Variants in ADARB2 observed in about 807,000 individuals in gnomAD.
The protein encoded by ADARB2 is inactive double-stranded RNA-specific editase B2.
Under a neutral mutation model 62.2 loss-of-function variants are expected in ADARB2, and 25 were observed. The ratio of observed to expected loss-of-function variants is 0.40; its 90% CI spans 0.29 to 0.56. ADARB2 has a LOEUF of 0.56. Ranked by LOEUF, ADARB2 falls within the 20% of genes least tolerant of loss-of-function variation. The pLI is 0.43. For missense variants in ADARB2, 1,071 were observed against 1,077.4 expected, an observed-to-expected ratio of 0.99 and a Z score of 0.08; for synonymous variants, 572 against 500.8, an observed-to-expected ratio of 1.14 and a Z score of -1.90.
chr10:1,350,733 T>C (rs1210797599), intron 3 of ADARB2, among the ~76,000 whole-genome samples: 1 of 152,164 alleles, frequency 6.6e-6, no homozygotes, highest in Non-Finnish European at 1.5e-5. Context: ...AAAGGTCATC[T>C]TATTCTCAAT....
At chr10:1,208,646 C>T (rs1244875538) in intron 7 of ADARB2, among the ~76,000 whole-genome samples, 1 of 152,334 alleles carries the variant, frequency 6.6e-6, no homozygotes, top group Non-Finnish European at 1.5e-5. Context: ...GGCCTGGCTG[C>T]ACATCAGGCC....
chr10:1,418,959 G>A (rs1349551510), intron 1 of ADARB2, among the ~76,000 whole-genome samples: 1 of 152,234 alleles, frequency 6.6e-6, no homozygotes. Flanking sequence ...GTCGAGGAAA[G>A]AAAAGGGTTC....
intron 1 of ADARB2, among the ~76,000 whole-genome samples, chr10:1,532,714 G>A (rs1230286283): frequency 6.6e-6 from 1 of 152,182 alleles, no homozygotes; most frequent in Non-Finnish European, 1.5e-5. Context: ...CATTTCTTTA[G>A]GGGGATGTGA....
At chr10:1,671,391 A>G (rs1202967284) in intron 1 of ADARB2, among the ~76,000 whole-genome samples, 1 of 152,234 alleles carries the variant, frequency 6.6e-6, no homozygotes, top group African/African-American at 2.4e-5. Context: ...CATGTTGGTT[A>G]ACTCCAGCCC....
intron 3 of ADARB2, among the ~76,000 whole-genome samples, chr10:1,311,383 T>C (rs1211996249): frequency 6.6e-6 from 1 of 152,142 alleles, no homozygotes; most frequent in Non-Finnish European, 1.5e-5. Flanking sequence ...CTGGGGCCCA[T>C]GTGAAGCGTC....
At chr10:1,528,168 G>A (rs567873715) in intron 1 of ADARB2, among the ~76,000 whole-genome samples, 6 of 152,214 alleles carry the variant, frequency 3.9e-5, no homozygotes, top group South Asian at 4.2e-4. Flanking sequence ...CTGTGTCTTC[G>A]GCCAACACAC....
chr10:1,241,915 G>A (rs1830928189), intron 5 of ADARB2, among the ~76,000 whole-genome samples: 1 of 152,242 alleles, frequency 6.6e-6, no homozygotes, highest in Admixed American at 6.5e-5. Context: ...GGAGTAAGGA[G>A]GAAGCCTGGA....
At chr10:1,223,420 C>T (rs1180639542) in intron 6 of ADARB2, among the ~76,000 whole-genome samples, 1 of 152,140 alleles carries the variant, frequency 6.6e-6, no homozygotes, top group Admixed American at 6.5e-5. Context: ...CCTTCTCCTG[C>T]CTGATTGCCC....
At position 1,426,756 on chromosome 10, in the gene ADARB2, C is replaced by T. The variant is rs1045926122; in HGVS notation, c.101-47596G>A. ...GAGGCGGCAAGGCTGTGTGCAGACA[C>T]TTTGCCCCTGGTTGACTCCTGACGG... On this transcript the variant is annotated intron_variant, in intron 1 of 9. Coordinates refer to ENST00000381312, the MANE Select transcript of ADARB2 (RefSeq NM_018702.4). This position sits in a 1 kb window ranked among gnomAD's most constrained non-coding sequence, Gnocchi z 4.1. Among the ~76,000 whole-genome samples, 2 of 152,232 alleles carry T rather than the reference C, an allele frequency of 1.3e-5. No homozygotes were observed. The highest frequency in any genetic ancestry group is 2.4e-5 in the African/African-American group (1 of 41,462).
At position 1,629,219 on chromosome 10, in the gene ADARB2, C is replaced by CCT. The variant is rs541436108; in HGVS notation, c.100+107831_100+107832insAG. Among the ~76,000 whole-genome samples, 21 of 152,244 alleles carry CCT rather than the reference C, an allele frequency of 1.4e-4. No homozygotes were observed. The South Asian group carries it at 4.4e-3, about 32-fold the overall frequency. ...TTTCTCCTTTGTTTAGACAAGAAAA[C>CCT]TAAGGCCCAGGGAATTGGACTCCCT... is the stretch of plus-strand genomic sequence containing the variant. On this transcript the variant is annotated intron_variant, in intron 1 of 9. Coordinates refer to ENST00000381312, the MANE Select transcript of ADARB2 (RefSeq NM_018702.4).
chr10:1,676,153 G>A lies in ADARB2; in HGVS notation c.100+60898C>T, dbSNP rs148365696. The stretch of plus-strand genomic sequence containing the variant: ...TTGGGTCTTGGCAAATGTGCAATAT[G>A]AAATTAAGTGAGTTAATCGGTAGTT... On this transcript the variant is annotated intron_variant, in intron 1 of 9. Coordinates refer to ENST00000381312, the MANE Select transcript of ADARB2 (RefSeq NM_018702.4). 7.3e-4 allele frequency: 407 copies of A among 558,010 alleles called. 4 individuals are homozygous for A. The highest frequency in any genetic ancestry group is 6.8e-3 in the African/African-American group (335 of 49,140). The allele number at this position is 558,010 out of a possible 1,614,324, so 34.6% of individuals were successfully genotyped here.
chr10:1,323,718 A>G (rs1448263200), intron 3 of ADARB2, among the ~76,000 whole-genome samples: 1 of 152,210 alleles, frequency 6.6e-6, no homozygotes, highest in African/African-American at 2.4e-5. Flanking sequence ...AGTAAACTGT[A>G]AATCCCACAT....
intron 1 of ADARB2, among the ~76,000 whole-genome samples, chr10:1,613,355 A>G (rs1404381139): frequency 3.3e-5 from 5 of 152,200 alleles, no homozygotes; most frequent in East Asian, 1.9e-4. Context: ...TGATTCTTCA[A>G]TGGCATGTCT....
At chr10:1,662,376 G>A (rs1478462213) in intron 1 of ADARB2, among the ~76,000 whole-genome samples, 4 of 152,096 alleles carry the variant, frequency 2.6e-5, no homozygotes, top group South Asian at 2.1e-4. Context: ...TGATTGAACC[G>A]GGGCAGGGCC....
At chr10:1,427,151 C>T (rs1832899569) in intron 1 of ADARB2, among the ~76,000 whole-genome samples, 1 of 152,236 alleles carries the variant, frequency 6.6e-6, no homozygotes, top group Admixed American at 6.5e-5. Flanking sequence ...GAGGACAGGT[C>T]ACCTTTTTAG....
At chr10:1,655,004 T>C (rs1834156385) in intron 1 of ADARB2, among the ~76,000 whole-genome samples, 1 of 152,114 alleles carries the variant, frequency 6.6e-6, no homozygotes, top group Admixed American at 6.5e-5. Flanking sequence ...CAGGCAGGCG[T>C]GAGGGTGAGG....
chr10:1,713,310 C>T lies in ADARB2; in HGVS notation c.100+23741G>A, dbSNP rs12767894. ...GGATGAAATTCTCTCTTCCCCGGAC[C>T]GGCATCCAACCACCTTACCACAGAA... On this transcript the variant is annotated intron_variant, in intron 1 of 9. Coordinates refer to ENST00000381312, the MANE Select transcript of ADARB2 (RefSeq NM_018702.4). Among the ~76,000 whole-genome samples the T allele has an allele frequency of 1.5e-3, 236 of 152,308 alleles. 2 individuals are homozygous for T. Among genetic ancestry groups the T allele is most frequent in the Non-Finnish European group, 2.5e-3 (172 of 68,020 alleles).
intron 1 of ADARB2, among the ~76,000 whole-genome samples, chr10:1,386,202 GATAAA>G (rs1159451573): frequency 6.6e-6 from 1 of 151,582 alleles, no homozygotes; most frequent in East Asian, 1.9e-4. Context: ...CAACAGAGAA[GATAAA>G]ATAGAATACT....
At chr10:1,261,976 G>A (rs1831142025) in intron 4 of ADARB2, among the ~76,000 whole-genome samples, 1 of 148,128 alleles carries the variant, frequency 6.8e-6, no homozygotes, top group South Asian at 2.1e-4. Flanking sequence ...AAAATGATGA[G>A]TTCATGTCCT....
Sources: allele counts gnomAD v4.1 joint callset (sites outside exome capture counted in the v4.1 genomes callset), GRCh38; gene constraint gnomAD v4.1.1; non-coding constraint Gnocchi (gnomAD v3.1); transcripts MANE v1.5; gene names NCBI Gene and HGNC (gene_info 2026-07-23, HGNC 2026-07-21).